POLR3A: variants seen among roughly 807,000 people sequenced by gnomAD.
The protein encoded by POLR3A is RNA polymerase III subunit A.
In POLR3A, 112 loss-of-function variants were observed where a neutral mutation model predicts 152.8. The observed-to-expected ratio is 0.73, with a 90% CI of 0.63 to 0.86. The LOEUF (loss-of-function observed/expected upper bound fraction) is 0.86, where lower values mean the gene tolerates loss of function less well. POLR3A is among the 40% of genes least tolerant of loss of function. The pLI is 0.00. For missense variants in POLR3A, 1,385 were observed against 1,743.1 expected (o/e 0.79, Z 3.66); for synonymous variants, 615 against 652.1 (o/e 0.94, Z 0.87).
intron 5 of POLR3A, among the ~76,000 whole-genome samples, chr10:78,023,284 A>G (rs2131959578): frequency 6.6e-6 from 1 of 151,494 alleles, no homozygotes; most frequent in East Asian, 1.9e-4. Flanking sequence ...AACATAGTAA[A>G]ACCCTGTCTC....
intron 20 of POLR3A, among the ~76,000 whole-genome samples, chr10:77,992,615 G>C (rs959051128): frequency 1.3e-5 from 2 of 151,580 alleles, no homozygotes; most frequent in Non-Finnish European, 2.9e-5. Flanking sequence ...GCTAATTTTT[G>C]TATCTTTAGT....
chr10:78,003,925 T>C (rs1847384324), intron 16 of POLR3A, among the ~76,000 whole-genome samples: 1 of 151,706 alleles, frequency 6.6e-6, no homozygotes, highest in African/African-American at 2.4e-5. Context: ...TGAGACTCCA[T>C]CTTAAAACAA....
At chr10:78,009,730 C>A (rs577915627) in intron 13 of POLR3A, 55 bp from the exon 14 acceptor site, 3 of 1,613,696 alleles carry the variant, frequency 1.9e-6, no homozygotes, top group Non-Finnish European at 2.5e-6. Context: ...CTCAATCCCC[C>A]TTCAGTAGAC....
Position 78,009,575 on chromosome 10 carries a change from T to A in POLR3A, c.1871A>T (p.Tyr624Phe), listed in dbSNP as rs754278106. 3.1e-6 allele frequency: 5 copies of A among 1,614,088 alleles called. No individual in the cohort carries two copies. The East Asian group carries it at 8.9e-5, about 29-fold the overall frequency. ...ACAGAGATCTTCCCCTTTGCCACAG[T>A]ACTGCTTGCCCTTGGTTCGCAGGTT... Reference protein sequence around the residue: ...RANLRTKGKQYCGKGEDLCAN... With the variant: ...RANLRTKGKQFCGKGEDLCAN... The change falls in exon 14 of 31, where the codon TAC becomes TTC. Residue 624 changes from tyrosine (Y) to phenylalanine (F), a missense_variant. This residue lies in a region of POLR3A where 188 missense variants were observed against 179.9 expected (regional missense o/e 1.04). Transcript: ENST00000372371.
At position 77,977,382 on chromosome 10, in the gene POLR3A, T is replaced by G; in HGVS notation, c.*96A>C. ...CTGATTGCTGGCATAGGTGGGGACC[T>G]CAGGACCCCCGTCCCAGGGAGCACA... On this transcript the variant is annotated 3_prime_UTR_variant, in exon 31 of 31. Transcript: ENST00000372371. 11 of 1,342,640 alleles carry G rather than the reference T, an allele frequency of 8.2e-6. No individual in the cohort carries two copies. The highest frequency in any genetic ancestry group is 1.1e-5 in the Non-Finnish European group (10 of 934,948). 83.2% of individuals were successfully genotyped at this position (1,342,640 alleles called of 1,614,324 possible). A position where few individuals can be genotyped will look rare whatever the true frequency, so the allele number is the denominator to read the frequency against.
chr10:77,994,297 G>T (rs1315861341), intron 19 of POLR3A, among the ~76,000 whole-genome samples: 1 of 152,114 alleles, frequency 6.6e-6, no homozygotes, highest in Non-Finnish European at 1.5e-5. Context: ...TTGGAAATAG[G>T]TGTCCACTGT....
At position 78,021,472 on chromosome 10, in the gene POLR3A, T is replaced by G. The variant is rs186280549; in HGVS notation, c.1185+74A>C. The G allele has an allele frequency of 4.0e-6, 6 of 1,508,814 alleles. No individual in the cohort carries two copies. In the African/African-American group the frequency reaches 8.2e-5, roughly 21 times the overall value. The allele number at this position is 1,508,814 out of a possible 1,614,324, so 93.5% of individuals were successfully genotyped here. A position where few individuals can be genotyped will look rare whatever the true frequency, so the allele number is the denominator to read the frequency against. On this transcript the variant is annotated intron_variant, in intron 8 of 30. Transcript: ENST00000372371. The stretch of plus-strand genomic sequence containing the variant: ...TTACTGGGGACTTTCTACTGCCTGT[T>G]GTTTGCAATACCAAAATATAACGTA...
Position 77,982,646 on chromosome 10 carries a change from G to A in POLR3A, c.3594+7C>T. ...TGGGTCTCCATGAGAAGCGACTTCT[G>A]TTTCACCTTGGGGAGATCCTCTTTC... On this transcript the variant is annotated splice_region_variant and intron_variant, in intron 27 of 30. Coordinates refer to ENST00000372371, the MANE Select transcript of POLR3A (RefSeq NM_007055.4). 1.2e-6 allele frequency: 2 copies of A among 1,612,390 alleles called. No homozygotes were observed. The highest frequency in any genetic ancestry group is 1.1e-5 in the South Asian group (1 of 90,988).
chr10:77,999,908 G>A (rs367749279), intron 19 of POLR3A, 73 bp downstream of exon 19: 8 of 1,416,764 alleles, frequency 5.6e-6, no homozygotes, highest in Admixed American at 3.4e-5. Context: ...TGTGCAAAAC[G>A]TGTACTCAAT....
intron 20 of POLR3A, among the ~76,000 whole-genome samples, chr10:77,992,438 CTTTTT>C (rs71030926): frequency 1.3e-5 from 1 of 76,538 alleles, no homozygotes; most frequent in South Asian, 5.0e-4. Flanking sequence ...CTGGCTAATT[CTTTTT>C]TTTTTTTTTT....
intron 7 of POLR3A, 58 bp from the exon 8 acceptor site, chr10:78,021,740 A>G: frequency 6.2e-7 from 1 of 1,611,706 alleles, no homozygotes; most frequent in Non-Finnish European, 8.5e-7. Context: ...TCATGGGAAC[A>G]ATAAGAACGG....
intron 15 of POLR3A, among the ~76,000 whole-genome samples, chr10:78,006,691 A>T (rs913734790): frequency 6.6e-6 from 1 of 152,204 alleles, no homozygotes; most frequent in Non-Finnish European, 1.5e-5. Context: ...GAATGGAAGG[A>T]CACACAGCTG....
chr10:77,981,673 A>C (rs1254371831), intron 28 of POLR3A, 114 bp from the exon 29 acceptor site: 2 of 1,313,230 alleles, frequency 1.5e-6, no homozygotes, highest in Admixed American at 3.4e-5. Flanking sequence ...CGTTTTCCAG[A>C]AATGGATTGC....
At position 78,022,388 on chromosome 10, in the gene POLR3A, T is replaced by C. The variant is rs557772003; in HGVS notation, c.646-4A>G. 2 of 1,613,396 alleles carry C rather than the reference T, an allele frequency of 1.2e-6. No homozygotes were observed. The highest frequency in any genetic ancestry group is 2.2e-5 in the South Asian group (2 of 91,074). ...CTACTAAGGGATTCAAGTTTTCCTA[T>C]GGAAACGAAGAAAGGCAGAAATGGA... On this transcript the variant is annotated splice_region_variant and splice_polypyrimidine_tract_variant and intron_variant, in intron 5 of 30. Coordinates refer to ENST00000372371, the MANE Select transcript of POLR3A (RefSeq NM_007055.4).
At chr10:77,997,619 A>T (rs528569284) in intron 19 of POLR3A, among the ~76,000 whole-genome samples, 2 of 152,344 alleles carry the variant, frequency 1.3e-5, no homozygotes, top group East Asian at 3.9e-4. Flanking sequence ...GACCTCTTCA[A>T]GGAGAACTAA....
intron 15 of POLR3A, among the ~76,000 whole-genome samples, chr10:78,005,240 T>TGGGAGGGC (rs1589311710): frequency 6.6e-6 from 1 of 152,216 alleles, no homozygotes; most frequent in East Asian, 1.9e-4. Context: ...CTCACGCCTA[T>TGGGAGGGC]AATCCCAGCA....
At chr10:78,004,355 C>T (rs1589311338) in intron 16 of POLR3A, among the ~76,000 whole-genome samples, 2 of 152,272 alleles carry the variant, frequency 1.3e-5, no homozygotes, top group African/African-American at 2.4e-5. Context: ...CAGGAGCACT[C>T]GAGTACCAGT....
chr10:78,012,564 G>A (rs1220784040), intron 11 of POLR3A, among the ~76,000 whole-genome samples: 2 of 152,044 alleles, frequency 1.3e-5, no homozygotes, highest in Non-Finnish European at 2.9e-5. Context: ...CCTAATATAG[G>A]AAGCTGGAAT....
chr10:78,028,145 T>C (rs1437852966), intron 1 of POLR3A, among the ~76,000 whole-genome samples: 1 of 152,194 alleles, frequency 6.6e-6, no homozygotes, highest in Non-Finnish European at 1.5e-5. Flanking sequence ...CAAGAGATTT[T>C]CCAGAAGGAG....
Sources: allele counts gnomAD v4.1 joint callset (sites outside exome capture counted in the v4.1 genomes callset), GRCh38; gene constraint gnomAD v4.1.1; regional missense constraint gnomAD v4.1.1; transcripts MANE v1.5; gene names NCBI Gene and HGNC (gene_info 2026-07-23, HGNC 2026-07-21).